Variants in VPS13B observed in about 807,000 individuals in gnomAD.
The protein encoded by VPS13B is intermembrane lipid transfer protein VPS13B.
Under a neutral mutation model 426.4 loss-of-function variants are expected in VPS13B, and 285 were observed. That is an observed-to-expected ratio of 0.67 (90% CI 0.61 to 0.74). The LOEUF is 0.74. Among genes scored for constraint, VPS13B ranks in the 30% least tolerant of loss-of-function variants. The probability of loss-of-function intolerance (pLI) is 0.00; values close to 1 mark genes in which losing one functional copy is unlikely to be tolerated. For missense variants in VPS13B, 4,537 were observed against 4,782.6 expected, an observed-to-expected ratio of 0.95 and a Z score of 1.51; for synonymous variants, 1,676 against 1,676.4, an observed-to-expected ratio of 1.00 and a Z score of 0.01.
rs528924431 is a variant in VPS13B, at chr8:99,720,654, G to A, written c.6865+102G>A. ...AACAATCAAGATGGCTTTTTAAAGT[G>A]CGTTAAAATTTGCAGTACAAAAATA... is the stretch of plus-strand genomic sequence containing the variant. On this transcript the variant is annotated intron_variant, in intron 38 of 61. Coordinates refer to ENST00000357162, the MANE Select transcript of VPS13B (RefSeq NM_152564.5). The A allele has an allele frequency of 5.2e-6, 7 of 1,348,710 alleles. No individual in the cohort carries two copies. In the South Asian group the frequency reaches 8.6e-5, roughly 16 times the overall value. 83.5% of individuals were successfully genotyped at this position (1,348,710 alleles called of 1,614,324 possible). A position where few individuals can be genotyped will look rare whatever the true frequency, so the allele number is the denominator to read the frequency against.
chr8:99,219,806 G>A (rs924269282), intron 17 of VPS13B, among the ~76,000 whole-genome samples: 6 of 152,158 alleles, frequency 3.9e-5, no homozygotes, highest in African/African-American at 1.4e-4. Context: ...TTCAATATGA[G>A]TTTTGGAGGG....
intron 40 of VPS13B, among the ~76,000 whole-genome samples, chr8:99,776,141 G>A (rs1160477337): frequency 6.6e-6 from 1 of 152,166 alleles, no homozygotes; most frequent in Non-Finnish European, 1.5e-5. Flanking sequence ...TATTTATGGT[G>A]ACACTGAAGT....
chr8:99,103,352 C>T (rs1193892653), intron 5 of VPS13B, among the ~76,000 whole-genome samples: 5 of 152,058 alleles, frequency 3.3e-5, no homozygotes, highest in African/African-American at 1.2e-4. Flanking sequence ...GTTTTTGAGA[C>T]AGGGTCTGGC....
intron 44 of VPS13B, among the ~76,000 whole-genome samples, chr8:99,817,080 T>G (rs532080339): frequency 2.0e-5 from 3 of 152,080 alleles, no homozygotes; most frequent in Non-Finnish European, 4.4e-5. Flanking sequence ...GCAAAACTAC[T>G]GTCCCCTGAT....
chr8:99,051,776 C>T (rs563756900), intron 3 of VPS13B, among the ~76,000 whole-genome samples: 16 of 152,194 alleles, frequency 1.1e-4, no homozygotes, highest in East Asian at 3.9e-4. Context: ...CTAGGTATTT[C>T]ATTCTCTTTG....
At chr8:99,450,956 T>C (rs1458315405) in intron 23 of VPS13B, among the ~76,000 whole-genome samples, 1 of 152,208 alleles carries the variant, frequency 6.6e-6, no homozygotes, top group Non-Finnish European at 1.5e-5. Context: ...TATTTTGGTA[T>C]ATTGCATCTG....
chr8:99,683,021 C>A lies in VPS13B; in HGVS notation c.6047-16504C>A, dbSNP rs940435364. 2.6e-5 allele frequency among the ~76,000 whole-genome samples: 4 copies of A among 152,066 alleles called. No homozygotes were observed. In the East Asian group the frequency reaches 7.7e-4, roughly 29 times the overall value. ...TAATTTTACATTTTATATTTAAATC[C>A]AGGATTCATTTTGAGTTAATTTTTA... On this transcript the variant is annotated intron_variant, in intron 35 of 61. Coordinates refer to ENST00000357162, the MANE Select transcript of VPS13B (RefSeq NM_152564.5).
intron 30 of VPS13B, among the ~76,000 whole-genome samples, chr8:99,530,631 T>A (rs1372609140): frequency 5.7e-5 from 8 of 139,930 alleles, no homozygotes; most frequent in Admixed American, 1.4e-4. Context: ...AAAAAAAAAA[T>A]AGTAGCAGCA....
Position 99,871,619 on chromosome 8 carries a change from C to T in VPS13B, c.11667C>T (p.Ile3889=), listed in dbSNP as rs749637946. 76 of 1,614,050 alleles carry T rather than the reference C, an allele frequency of 4.7e-5. No homozygotes were observed. The South Asian group carries it at 5.5e-4, about 12-fold the overall frequency. Residue 3889 remains isoleucine, a synonymous_variant, in exon 61 of 62, where the codon ATC becomes ATT. Transcript: ENST00000357162. The stretch of plus-strand genomic sequence containing the variant: ...AGCAGGCCTTCCCCGTCACAGAAAT[C>T]GACTGTGCACAGGACAGCAAGCAGA... The part of the protein sequence containing the change: ...TQQQAFPVTE[I]DCAQDSKQNN...
intron 31 of VPS13B, among the ~76,000 whole-genome samples, chr8:99,569,924 C>A (rs1825389235): frequency 6.6e-6 from 1 of 152,128 alleles, no homozygotes; most frequent in South Asian, 2.1e-4. Flanking sequence ...TAATAAATTT[C>A]TATGGACATA....
intron 35 of VPS13B, among the ~76,000 whole-genome samples, chr8:99,684,558 C>T (rs550308460): frequency 2.2e-4 from 33 of 152,282 alleles, no homozygotes; most frequent in African/African-American, 7.9e-4. Flanking sequence ...ATTAGAAACT[C>T]ATCACCATTT....
At position 99,717,067 on chromosome 8, in the gene VPS13B, C is replaced by T. The variant is rs1052307030; in HGVS notation, c.6455-104C>T. 28 of 1,187,550 alleles carry T rather than the reference C, an allele frequency of 2.4e-5. No individual in the cohort carries two copies. In the East Asian group the frequency reaches 6.6e-4, roughly 28 times the overall value. 73.6% of individuals were successfully genotyped at this position (1,187,550 alleles called of 1,614,324 possible). The stretch of plus-strand genomic sequence containing the variant: ...GGACTGCCAACCAAGCAAGACGACT[C>T]TGACAAAGGATGAATTAATACTCTT... On this transcript the variant is annotated intron_variant, in intron 36 of 61. Transcript: ENST00000357162.
At position 99,206,930 on chromosome 8, in the gene VPS13B, G is replaced by A. The variant is rs184053160; in HGVS notation, c.2515+13873G>A. Reference sequence around the variant, plus strand: ...TTATAAAATTTTCTTGCCAGATACAGGCATTGGCTATACATTTATTCTTGC... The same window carrying A: ...TTATAAAATTTTCTTGCCAGATACAAGCATTGGCTATACATTTATTCTTGC... On this transcript the variant is annotated intron_variant, in intron 17 of 61. Coordinates refer to ENST00000357162, the MANE Select transcript of VPS13B (RefSeq NM_152564.5). Among the ~76,000 whole-genome samples the A allele has an allele frequency of 1.7e-3, 263 of 152,014 alleles. 1 individual carries two copies. The highest frequency in any genetic ancestry group is 2.1e-3 in the Non-Finnish European group (145 of 67,942).
intron 21 of VPS13B, among the ~76,000 whole-genome samples, chr8:99,396,160 T>C (rs977583530): frequency 4.6e-5 from 7 of 152,252 alleles, no homozygotes; most frequent in East Asian, 1.9e-4. Flanking sequence ...TTTGACCAGA[T>C]ACTTGAAGCA....
chr8:99,126,535 T>A (rs1267886699), intron 8 of VPS13B, among the ~76,000 whole-genome samples: 2 of 152,210 alleles, frequency 1.3e-5, no homozygotes, highest in African/African-American at 4.8e-5. Flanking sequence ...GAAATCAGAC[T>A]TTTGGAATGA....
chr8:99,306,688 A>T, intron 19 of VPS13B, among the ~76,000 whole-genome samples: 1 of 152,224 alleles, frequency 6.6e-6, no homozygotes, highest in Non-Finnish European at 1.5e-5. Flanking sequence ...TTACACCTAC[A>T]CAGTATAGTG....
intron 5 of VPS13B, among the ~76,000 whole-genome samples, chr8:99,105,059 C>G (rs1846971037): frequency 6.6e-6 from 1 of 152,114 alleles, no homozygotes; most frequent in Non-Finnish European, 1.5e-5. Context: ...TTTAACTTGC[C>G]TGATTAAGGC....
chr8:99,143,531 T>C (rs1810545633), intron 13 of VPS13B, among the ~76,000 whole-genome samples: 1 of 152,168 alleles, frequency 6.6e-6, no homozygotes. Context: ...TGAAGAAAAC[T>C]TAGGCACTGC....
At chr8:99,416,151 T>C (rs915644598) in intron 21 of VPS13B, among the ~76,000 whole-genome samples, 18 of 152,296 alleles carry the variant, frequency 1.2e-4, no homozygotes, top group African/African-American at 3.8e-4. Context: ...CTGGCCACAG[T>C]GGCTTTGTGG....
Sources: gnomAD v4.1 joint callset for allele counts (sites outside exome capture counted in the v4.1 genomes callset) on GRCh38, gnomAD v4.1.1 for gene constraint, MANE v1.5 for transcripts, NCBI Gene and HGNC (gene_info 2026-07-23, HGNC 2026-07-21) for gene names.